The following TULP4 variants were observed in gnomAD, a reference collection of about 807,000 sequenced individuals.
The protein encoded by TULP4 is tubby-related protein 4.
In TULP4, 16 loss-of-function variants were observed where a neutral mutation model predicts 129.0. That is an observed-to-expected ratio of 0.12 (90% CI 0.08 to 0.19). The LOEUF is 0.19. TULP4 is among the 10% of genes least tolerant of loss of function. The probability of loss-of-function intolerance (pLI) is 1.00; values close to 1 mark genes in which losing one functional copy is unlikely to be tolerated. For synonymous variants in TULP4, 998 were observed against 854.0 expected, an observed-to-expected ratio of 1.17 and a Z score of -2.94; for missense variants, 1,842 against 2,059.1, an observed-to-expected ratio of 0.89 and a Z score of 2.04.
chr6:158,305,545 A>T (rs1381430470), intron 1 of TULP4, among the ~76,000 whole-genome samples: 3 of 142,498 alleles, frequency 2.1e-5, no homozygotes, highest in East Asian at 4.0e-4. Flanking sequence ...ACCAAAAATT[A>T]AAAAAAAAAA....
At chr6:158,459,510 G>A (rs1027063322) in intron 5 of TULP4, among the ~76,000 whole-genome samples, 57 of 152,064 alleles carry the variant, frequency 3.7e-4, no homozygotes, top group Middle Eastern at 3.4e-3. Flanking sequence ...AGCCCATCTC[G>A]TAGACAGAGC....
At chr6:158,399,710 G>A (rs1777800068) in intron 1 of TULP4, among the ~76,000 whole-genome samples, 1 of 152,120 alleles carries the variant, frequency 6.6e-6, no homozygotes, top group African/African-American at 2.4e-5. Flanking sequence ...GACAGTTTTT[G>A]TTTTATTTCT....
intron 4 of TULP4, among the ~76,000 whole-genome samples, chr6:158,450,870 C>T (rs1779148780): frequency 6.6e-6 from 1 of 151,908 alleles, no homozygotes; most frequent in African/African-American, 2.4e-5. Flanking sequence ...TCCTGGCTAA[C>T]ACGCTGAAAT....
rs1048793591 is a variant in TULP4 at position 158,454,027 on chromosome 6, C to T, written c.859+1759C>T. On this transcript the variant is annotated intron_variant, in intron 5 of 13. Transcript: ENST00000367097. ...TCATACCTGCCTCTGCACCGCCCCC[C>T]CCCAAGTAATTACTCTATTTTTAAA... 5.9e-4 allele frequency among the ~76,000 whole-genome samples: 88 copies of T among 148,876 alleles called. 4 individuals carry two copies. The highest frequency in any genetic ancestry group is 2.1e-3 in the African/African-American group (84 of 40,024).
chr6:158,337,571 A>C (rs1470927621), intron 1 of TULP4, among the ~76,000 whole-genome samples: 2 of 152,230 alleles, frequency 1.3e-5, no homozygotes, highest in African/African-American at 4.8e-5. Flanking sequence ...AAGCCCTGGC[A>C]CTGATTCCCT....
At chr6:158,411,605 T>G (rs1306092299) in intron 1 of TULP4, among the ~76,000 whole-genome samples, 1 of 152,234 alleles carries the variant, frequency 6.6e-6, no homozygotes, top group Non-Finnish European at 1.5e-5. Flanking sequence ...TAATTTCTCT[T>G]GAAAAATTTG....
At chr6:158,390,076 A>G (rs1777549723) in intron 1 of TULP4, among the ~76,000 whole-genome samples, 1 of 152,166 alleles carries the variant, frequency 6.6e-6, no homozygotes, top group South Asian at 2.1e-4. Flanking sequence ...GTCTCAAAAA[A>G]AAAAAAAAAA....
chr6:158,371,364 G>T (rs1486658559), intron 1 of TULP4, among the ~76,000 whole-genome samples: 1 of 152,180 alleles, frequency 6.6e-6, no homozygotes, highest in Non-Finnish European at 1.5e-5. Context: ...GGCCCCTGGA[G>T]ATGATTAGCC....
intron 3 of TULP4, among the ~76,000 whole-genome samples, chr6:158,441,510 A>C (rs1401451821): frequency 1.3e-5 from 2 of 152,222 alleles, no homozygotes; most frequent in African/African-American, 4.8e-5. Context: ...GCGTTTAGCC[A>C]GATGGTGAAC....
intron 1 of TULP4, among the ~76,000 whole-genome samples, chr6:158,405,318 G>A (rs369738334): frequency 4.8e-4 from 73 of 152,300 alleles, no homozygotes; most frequent in African/African-American, 1.5e-3. Context: ...TGGGGGTGAC[G>A]AAGTCCAGCG....
At chr6:158,326,369 C>G (rs540816673) in intron 1 of TULP4, among the ~76,000 whole-genome samples, 116 of 152,192 alleles carry the variant, frequency 7.6e-4, no homozygotes, top group African/African-American at 2.7e-3. Flanking sequence ...TCTGAGAGTC[C>G]TTTGTCATCC....
chr6:158,355,468 G>C (rs1387251239), intron 1 of TULP4, among the ~76,000 whole-genome samples: 1 of 152,116 alleles, frequency 6.6e-6, no homozygotes, highest in Non-Finnish European at 1.5e-5. Context: ...CAAGGAAGCT[G>C]GAAGAGTGGA....
At position 158,489,714 on chromosome 6, in the gene TULP4, A is replaced by C. The variant is rs147152538; in HGVS notation, c.1613A>C (p.Lys538Thr). ...TCTCCCAAAATCTCCAGAGCTAGCAAATCACCCAAACTCCCAAGGTAATCT... is the reference window on the plus strand; with the variant it reads ...TCTCCCAAAATCTCCAGAGCTAGCACATCACCCAAACTCCCAAGGTAATCT... ...KKSPKISRAS[K>T]SPKLPRISIE... Residue 538 changes from lysine to threonine, a missense_variant, in exon 9 of 14, where the codon AAA (lysine) becomes ACA (threonine). By Grantham distance (78) the Lys-to-Thr change is moderately conservative. Around this residue, in one of 5 missense-constraint regions of TULP4, gnomAD observed 456 missense variants for 534.3 expected, o/e 0.85. Transcript: ENST00000367097. 6.2e-7 allele frequency: 1 copy of C among 1,614,048 alleles called. No individual in the cohort carries two copies. Among genetic ancestry groups the C allele is most frequent in the African/African-American group, 1.3e-5 (1 of 74,910 alleles).
At chr6:158,494,870 C>T (rs749284614) in intron 11 of TULP4, 24 bp downstream of exon 11, 140 of 1,602,908 alleles carry the variant, frequency 8.7e-5, no homozygotes, top group Non-Finnish European at 1.1e-4. Flanking sequence ...CCTCTTCTCT[C>T]ATTGTCCCAG....
At chr6:158,497,527 T>A (rs1780358999) in intron 11 of TULP4, among the ~76,000 whole-genome samples, 1 of 152,246 alleles carries the variant, frequency 6.6e-6, no homozygotes, top group Non-Finnish European at 1.5e-5. Context: ...TACTTTTCTT[T>A]CCTGGAGGTA....
intron 5 of TULP4, 68 bp downstream of exon 5, chr6:158,452,336 T>C (rs1363408863): frequency 3.2e-6 from 5 of 1,579,080 alleles, no homozygotes; most frequent in Non-Finnish European, 4.3e-6. Flanking sequence ...AAGGCCGGTC[T>C]TGTACACTCT....
chr6:158,252,584 C>G (rs1778164393), intron 1 of TULP4, among the ~76,000 whole-genome samples: 1 of 152,010 alleles, frequency 6.6e-6, no homozygotes, highest in African/African-American at 2.4e-5. Context: ...CCACGTTGGC[C>G]AGGATGGTCT....
At chr6:158,359,568 C>T (rs1184993952) in intron 1 of TULP4, among the ~76,000 whole-genome samples, 1 of 152,096 alleles carries the variant, frequency 6.6e-6, no homozygotes, top group Non-Finnish European at 1.5e-5. Flanking sequence ...TCTAATCTCT[C>T]CACGTTCTTC....
At position 158,452,144 on chromosome 6, in the gene TULP4, A is replaced by T; in HGVS notation, c.735A>T (p.Ala245=). The change falls in exon 5 of 14, where the codon GCA becomes GCT. Residue 245 remains alanine (A), a synonymous_variant. Transcript: ENST00000367097. ...CTTGTGTTCCTGCAGATGGTCCGGC[A>T]GCATATCCCATCCCAGTGCAGAACA... ...DDYAPPQDGP[A]AYPIPVQNIK... 2 of 1,614,092 alleles carry T rather than the reference A, an allele frequency of 1.2e-6. No homozygotes were observed. The highest frequency in any genetic ancestry group is 1.7e-6 in the Non-Finnish European group (2 of 1,179,994).
Sources: gnomAD v4.1 joint callset for allele counts (sites outside exome capture counted in the v4.1 genomes callset) on GRCh38, gnomAD v4.1.1 for gene constraint, gnomAD v4.1.1 regional missense constraint, MANE v1.5 for transcripts, NCBI Gene and HGNC (gene_info 2026-07-23, HGNC 2026-07-21) for gene names.